Variants in GRM5 observed in about 807,000 individuals in gnomAD.
The protein encoded by GRM5 is metabotropic glutamate receptor 5.
Under a neutral mutation model 83.1 loss-of-function variants are expected in GRM5, and 19 were observed. The ratio of observed to expected loss-of-function variants is 0.23; its 90% CI spans 0.16 to 0.34. GRM5 has a LOEUF of 0.34. GRM5 is among the 10% of genes least tolerant of loss of function. The pLI is 1.00. For synonymous variants in GRM5, 675 were observed against 633.6 expected (o/e 1.07, Z -0.98); for missense variants, 1,160 against 1,588.3 (o/e 0.73, Z 4.58).
intron 2 of GRM5, among the ~76,000 whole-genome samples, chr11:88,863,912 C>T (rs190465758): frequency 7.5e-4 from 113 of 151,624 alleles, no homozygotes; most frequent in South Asian, 3.5e-3. Context: ...TTCAGTTACT[C>T]CATGACTTTG....
chr11:88,998,996 C>G (rs1448056007), intron 2 of GRM5, among the ~76,000 whole-genome samples: 1 of 151,974 alleles, frequency 6.6e-6, no homozygotes, highest in Non-Finnish European at 1.5e-5. Flanking sequence ...GAAAGGATTC[C>G]CTATTTAATA....
intron 1 of GRM5, among the ~76,000 whole-genome samples, chr11:89,065,041 C>A (rs1942072139): frequency 6.6e-6 from 1 of 150,678 alleles, no homozygotes; most frequent in Admixed American, 6.6e-5. Flanking sequence ...GTTTATAGGT[C>A]CAGAGCTGCA....
intron 3 of GRM5, among the ~76,000 whole-genome samples, chr11:88,674,706 G>C (rs1940280070): frequency 6.6e-6 from 1 of 151,798 alleles, no homozygotes; most frequent in African/African-American, 2.4e-5. Context: ...TCAGTGTCTT[G>C]GGAAGCTATT....
intron 3 of GRM5, among the ~76,000 whole-genome samples, chr11:88,785,072 C>G (rs1339113733): frequency 6.6e-6 from 1 of 152,024 alleles, no homozygotes; most frequent in African/African-American, 2.4e-5. Flanking sequence ...ATTTCAATTA[C>G]TAGAATTAAA....
intron 1 of GRM5, among the ~76,000 whole-genome samples, chr11:89,054,748 C>T (rs1941836130): frequency 6.6e-6 from 1 of 152,054 alleles, no homozygotes; most frequent in Admixed American, 6.6e-5. Context: ...GTGAAGTATT[C>T]ATGTTGTATC....
At chr11:88,919,229 C>A in intron 2 of GRM5, among the ~76,000 whole-genome samples, 1 of 25,664 alleles carries the variant, frequency 3.9e-5, no homozygotes, top group Non-Finnish European at 1.2e-4. Flanking sequence ...CGAAGAACAG[C>A]AGGAGTAGCT....
intron 5 of GRM5, among the ~76,000 whole-genome samples, chr11:88,603,186 T>G (rs575756640): frequency 6.6e-6 from 1 of 152,330 alleles, no homozygotes; most frequent in East Asian, 1.9e-4. Flanking sequence ...TGGATGATTA[T>G]GAATAAGGTA....
chr11:88,623,247 G>A (rs1044874960), intron 4 of GRM5, among the ~76,000 whole-genome samples: 2 of 151,540 alleles, frequency 1.3e-5, no homozygotes, highest in Non-Finnish European at 2.9e-5. Context: ...CACCATGCCC[G>A]GCTAATTTTT....
At chr11:88,901,109 G>A (rs1326389873) in intron 2 of GRM5, among the ~76,000 whole-genome samples, 1 of 152,128 alleles carries the variant, frequency 6.6e-6, no homozygotes, top group African/African-American at 2.4e-5. Context: ...ACGTGGACAG[G>A]TAGGGAGAGC....
At chr11:88,927,612 A>G (rs1945811920) in intron 2 of GRM5, among the ~76,000 whole-genome samples, 1 of 152,100 alleles carries the variant, frequency 6.6e-6, no homozygotes, top group Non-Finnish European at 1.5e-5. Context: ...CAGAATCCAC[A>G]CAAATTGGTA....
chr11:88,640,096 G>T (rs1310322132), intron 4 of GRM5, among the ~76,000 whole-genome samples: 2 of 152,040 alleles, frequency 1.3e-5, no homozygotes, highest in Admixed American at 6.6e-5. Context: ...ACTCCAACGT[G>T]GACAAACTTT....
chr11:88,690,356 C>T (rs922593969), intron 3 of GRM5, among the ~76,000 whole-genome samples: 1 of 152,030 alleles, frequency 6.6e-6, no homozygotes, highest in Non-Finnish European at 1.5e-5. Flanking sequence ...AGAAAAGAAA[C>T]TCCATCATTA....
chr11:89,036,195 C>T (rs957447627), intron 2 of GRM5, among the ~76,000 whole-genome samples: 2 of 152,010 alleles, frequency 1.3e-5, no homozygotes, highest in African/African-American at 4.8e-5. Flanking sequence ...CTCATCTTAC[C>T]ACAGCATAAT....
chr11:88,855,750 A>G (rs541788417), intron 2 of GRM5, among the ~76,000 whole-genome samples: 2 of 152,046 alleles, frequency 1.3e-5, no homozygotes, highest in Middle Eastern at 3.4e-3. Flanking sequence ...TTTCTGTATT[A>G]TATATGTTGC....
chr11:89,044,503 A>G (rs1244096564), intron 2 of GRM5, among the ~76,000 whole-genome samples: 2 of 152,132 alleles, frequency 1.3e-5, no homozygotes, highest in Admixed American at 6.6e-5. Flanking sequence ...TTCTTGAAGG[A>G]ACATCTTGTG....
Position 88,930,290 on chromosome 11 carries a change from T to A in GRM5, c.662-80135A>T, listed in dbSNP as rs1378025416. 3.3e-5 allele frequency among the ~76,000 whole-genome samples: 5 copies of A among 152,002 alleles called. 1 individual carries two copies. In the South Asian group the frequency reaches 1.0e-3, roughly 32 times the overall value. The stretch of plus-strand genomic sequence containing the variant: ...TTAGTTTGGCATAGTGAAGAATGCC[T>A]GTAGTCCCAGCTACTCAGGAGGCTG... On this transcript the variant is annotated intron_variant, in intron 2 of 9. Transcript: ENST00000305447.
intron 4 of GRM5, among the ~76,000 whole-genome samples, chr11:88,625,279 C>T (rs1266098190): frequency 3.9e-5 from 6 of 152,010 alleles, no homozygotes; most frequent in Non-Finnish European, 7.4e-5. Flanking sequence ...AGAATGTGCC[C>T]CACTTCAACT....
chr11:88,564,147 G>A (rs1190408500), intron 8 of GRM5, among the ~76,000 whole-genome samples: 1 of 152,104 alleles, frequency 6.6e-6, no homozygotes, highest in African/African-American at 2.4e-5. Flanking sequence ...CATATAATCA[G>A]ACTGTGGCCT....
intron 4 of GRM5, among the ~76,000 whole-genome samples, chr11:88,609,926 A>C (rs2135239491): frequency 6.6e-6 from 1 of 152,222 alleles, no homozygotes; most frequent in South Asian, 2.1e-4. Context: ...GAATGGTAGG[A>C]GTCCAATTTC....
Sources: allele counts gnomAD v4.1 joint callset (sites outside exome capture counted in the v4.1 genomes callset), GRCh38; gene constraint gnomAD v4.1.1; transcripts MANE v1.5; gene names NCBI Gene and HGNC (gene_info 2026-07-23, HGNC 2026-07-21).